The following MACROD2 variants were observed in gnomAD, a reference collection of about 807,000 sequenced individuals.
MACROD2 encodes mono-ADP ribosylhydrolase 2, also known as ADP-ribose glycohydrolase MACROD2.
Under a neutral mutation model 70.4 loss-of-function variants are expected in MACROD2, and 36 were observed. That is an observed-to-expected ratio of 0.51 (90% CI 0.39 to 0.68). The LOEUF is 0.68. MACROD2 is among the 30% of genes least tolerant of loss of function. MACROD2 has a pLI of 0.00. For missense variants in MACROD2, 496 were observed against 538.4 expected (o/e 0.92, Z 0.78); for synonymous variants, 172 against 178.8 (o/e 0.96, Z 0.30).
chr20:14,394,491 C>A (rs1001262816), intron 3 of MACROD2, among the ~76,000 whole-genome samples: 1 of 152,162 alleles, frequency 6.6e-6, no homozygotes, highest in African/African-American at 2.4e-5. Flanking sequence ...GCCCTAGAAG[C>A]TTTTGCACAG....
intron 8 of MACROD2, among the ~76,000 whole-genome samples, chr20:15,618,685 C>A (rs2049077388): frequency 6.6e-6 from 1 of 152,144 alleles, no homozygotes; most frequent in Non-Finnish European, 1.5e-5. Context: ...TAACCCATGC[C>A]CAAGCCACCT....
intron 10 of MACROD2, among the ~76,000 whole-genome samples, chr20:15,896,265 T>C (rs2064970768): frequency 6.6e-6 from 1 of 152,176 alleles, no homozygotes. Context: ...CTTTTCTCCT[T>C]CTTTAGGGTT....
chr20:15,602,080 T>C (rs2048829639), intron 8 of MACROD2, among the ~76,000 whole-genome samples: 1 of 151,948 alleles, frequency 6.6e-6, no homozygotes, highest in Admixed American at 6.6e-5. Flanking sequence ...ACTGAATCAC[T>C]AAAAATAACG....
chr20:15,985,982 T>C (rs2066476611), intron 13 of MACROD2: 1 of 152,278 alleles, frequency 6.6e-6, no homozygotes, highest in African/African-American at 2.4e-5. Context: ...AGGGGCTGCA[T>C]GCGCCGGTGG....
At chr20:14,252,763 T>A (rs537869262) in intron 3 of MACROD2, among the ~76,000 whole-genome samples, 3 of 152,054 alleles carry the variant, frequency 2.0e-5, no homozygotes, top group Non-Finnish European at 4.4e-5. Flanking sequence ...GCATTTAAAA[T>A]GGATTTTTTC....
intron 4 of MACROD2, among the ~76,000 whole-genome samples, chr20:14,652,341 G>C (rs1231166062): frequency 6.6e-6 from 1 of 152,134 alleles, no homozygotes; most frequent in African/African-American, 2.4e-5. Flanking sequence ...CATATAACAA[G>C]AGCATGGTAT....
At chr20:15,488,720 A>G (rs1232919281) in intron 7 of MACROD2, among the ~76,000 whole-genome samples, 1 of 152,184 alleles carries the variant, frequency 6.6e-6, no homozygotes, top group Non-Finnish European at 1.5e-5. Flanking sequence ...GTAGATCCCA[A>G]TATACGCCTT....
chr20:14,454,791 C>A (rs902426926), intron 3 of MACROD2, among the ~76,000 whole-genome samples: 4 of 133,278 alleles, frequency 3.0e-5, no homozygotes, highest in Non-Finnish European at 3.1e-5. Flanking sequence ...CTTGCTCTGT[C>A]GCCCAGGCTG....
At chr20:14,757,749 G>A (rs1600632545) in intron 5 of MACROD2, 1 of 1,532,476 alleles carries the variant, frequency 6.5e-7, no homozygotes, top group African/African-American at 1.4e-5. Flanking sequence ...CAGTTTGCCT[G>A]GAGACATTTC....
At chr20:15,326,288 G>A (rs1439911820) in intron 6 of MACROD2, among the ~76,000 whole-genome samples, 3 of 151,988 alleles carry the variant, frequency 2.0e-5, no homozygotes, top group Non-Finnish European at 4.4e-5. Flanking sequence ...TTTGTAAGAA[G>A]TTTAAAATTC....
intron 8 of MACROD2, among the ~76,000 whole-genome samples, chr20:15,719,037 A>G (rs368957607): frequency 5.9e-5 from 9 of 152,170 alleles, no homozygotes; most frequent in Admixed American, 1.3e-4. Context: ...TTTTTTTTCA[A>G]TGCAGTCCTT....
chr20:14,245,101 A>C (rs1296626182), intron 3 of MACROD2, among the ~76,000 whole-genome samples: 3 of 152,142 alleles, frequency 2.0e-5, no homozygotes, highest in African/African-American at 7.2e-5. Flanking sequence ...GTAGTGGCTC[A>C]TGCCTGTAAT....
At chr20:15,653,398 G>C (rs145107328) in intron 8 of MACROD2, among the ~76,000 whole-genome samples, 29 of 152,328 alleles carry the variant, frequency 1.9e-4, no homozygotes, top group African/African-American at 7.0e-4. Flanking sequence ...AGTATGGGCA[G>C]AATCAGCTGT....
In MACROD2 at chr20:14,092,418, A is replaced by G. The variant is rs530886386; in HGVS notation, c.271+6690A>G. On this transcript the variant is annotated intron_variant, in intron 3 of 17. Coordinates refer to ENST00000684519, the MANE Select transcript of MACROD2 (RefSeq NM_001351661.2). ...GCCCCACCCTAAATCATATTGATAT[A>G]TACTGAAATATACTACAGCCCACAT... is the stretch of plus-strand genomic sequence containing the variant. 8.5e-5 allele frequency among the ~76,000 whole-genome samples: 13 copies of G among 152,322 alleles called. No individual in the cohort carries two copies. The East Asian group carries it at 2.5e-3, about 29-fold the overall frequency.
chr20:15,222,068 A>G (rs2076866596), intron 5 of MACROD2, among the ~76,000 whole-genome samples: 1 of 152,250 alleles, frequency 6.6e-6, no homozygotes, highest in African/African-American at 2.4e-5. Flanking sequence ...GGGTCAACTC[A>G]CAAACTCAAA....
chr20:14,635,028 G>A lies in MACROD2; in HGVS notation c.302-49815G>A, dbSNP rs145434021. On this transcript the variant is annotated intron_variant, in intron 4 of 17. Coordinates refer to ENST00000684519, the MANE Select transcript of MACROD2 (RefSeq NM_001351661.2). ...CAGTCCCCTGATGAATATTTATTGA[G>A]TGCAGAGTGCAATGAGGATATGGAG... 2.2e-3 allele frequency among the ~76,000 whole-genome samples: 336 copies of A among 152,314 alleles called. 1 individual carries two copies. Among genetic ancestry groups the A allele is most frequent in the African/African-American group, 7.7e-3 (320 of 41,570 alleles).
intron 3 of MACROD2, among the ~76,000 whole-genome samples, chr20:14,281,857 C>T (rs1250948461): frequency 6.6e-6 from 1 of 150,790 alleles, no homozygotes; most frequent in Non-Finnish European, 1.5e-5. Context: ...ATTGCTTGAA[C>T]CCAGGAGGCG....
At chr20:16,041,340 A>G in intron 16 of MACROD2, 62 bp downstream of exon 16, 1 of 1,342,778 alleles carries the variant, frequency 7.4e-7, no homozygotes, top group Non-Finnish European at 1.0e-6. Flanking sequence ...TCTATGTGTA[A>G]TCTAGGATTA....
At chr20:15,277,238 A>G (rs1188281565) in intron 6 of MACROD2, among the ~76,000 whole-genome samples, 1 of 152,144 alleles carries the variant, frequency 6.6e-6, no homozygotes, top group African/African-American at 2.4e-5. Flanking sequence ...TTCCTATATG[A>G]TTCATTATAA....
Sources: gnomAD v4.1 joint callset for allele counts (sites outside exome capture counted in the v4.1 genomes callset) on GRCh38, gnomAD v4.1.1 for gene constraint, MANE v1.5 for transcripts, NCBI Gene and HGNC (gene_info 2026-07-23, HGNC 2026-07-21) for gene names.